Variants in ZFAT observed in about 807,000 individuals in gnomAD.
The protein encoded by ZFAT is zinc finger protein ZFAT.
A neutral mutation model predicts 117.7 loss-of-function variants in ZFAT; 64 were observed. That is an observed-to-expected ratio of 0.54 (90% CI 0.44 to 0.67). The LOEUF (loss-of-function observed/expected upper bound fraction) is 0.67, where lower values mean the gene tolerates loss of function less well. ZFAT is among the 30% of genes least tolerant of loss of function. The pLI, the probability that ZFAT is intolerant of heterozygous loss-of-function variation, is 0.00. For synonymous variants in ZFAT, 679 were observed against 615.0 expected, an observed-to-expected ratio of 1.10 and a Z score of -1.54; for missense variants, 1,433 against 1,584.5, an observed-to-expected ratio of 0.90 and a Z score of 1.62.
chr8:134,480,195 C>G (rs1016057165), intron 15 of ZFAT, among the ~76,000 whole-genome samples: 5 of 152,186 alleles, frequency 3.3e-5, no homozygotes, highest in Admixed American at 3.3e-4. Flanking sequence ...CTCCTGAGCT[C>G]AAGTGATCCA....
intron 10 of ZFAT, among the ~76,000 whole-genome samples, chr8:134,577,674 A>T (rs533069128): frequency 2.4e-4 from 37 of 152,330 alleles, no homozygotes; most frequent in African/African-American, 8.7e-4. Context: ...AAATAAATGT[A>T]GTAAGTCGAA....
chr8:134,556,089 GGAAAAA>G (rs1275821330), intron 11 of ZFAT, among the ~76,000 whole-genome samples: 1 of 128,750 alleles, frequency 7.8e-6, no homozygotes, highest in African/African-American at 2.9e-5. Flanking sequence ...AGGAAGGGAG[GGAAAAA>G]GAAAAGGAAA....
chr8:134,750,413 T>C, the ZFAT span, among the ~76,000 whole-genome samples: 1 of 152,214 alleles, frequency 6.6e-6, no homozygotes, highest in Non-Finnish European at 1.5e-5. Context: ...GATAGTTTTT[T>C]CCTTACAACT....
chr8:134,497,939 T>A (rs1818609579), intron 15 of ZFAT, among the ~76,000 whole-genome samples: 1 of 142,532 alleles, frequency 7.0e-6, no homozygotes, highest in Admixed American at 6.9e-5. Context: ...TGCTGCTGGT[T>A]ACACACAGAG....
At chr8:134,488,744 G>A (rs552937810) in intron 15 of ZFAT, among the ~76,000 whole-genome samples, 16 of 152,208 alleles carry the variant, frequency 1.1e-4, no homozygotes, top group African/African-American at 3.1e-4. Context: ...TGTCAGGGTC[G>A]GGGGAAGGTG....
chr8:134,743,691 A>C, the ZFAT span, among the ~76,000 whole-genome samples: 3 of 152,100 alleles, frequency 2.0e-5, no homozygotes, highest in Admixed American at 1.3e-4. Context: ...AGTCTCACAG[A>C]GTCTCACCTG....
intron 1 of ZFAT, among the ~76,000 whole-genome samples, chr8:134,706,852 T>C (rs566790641): frequency 6.0e-4 from 90 of 150,520 alleles, no homozygotes; most frequent in African/African-American, 2.1e-3. Context: ...TTAAGGTCTA[T>C]GCATTTCAGC....
At chr8:134,653,140 C>T (rs1195384474) in intron 2 of ZFAT, among the ~76,000 whole-genome samples, 2 of 143,146 alleles carry the variant, frequency 1.4e-5, no homozygotes, top group Non-Finnish European at 3.1e-5. Flanking sequence ...AAGAGAAGGT[C>T]GGGTTTTTGG....
intron 7 of ZFAT, chr8:134,600,104 C>G (rs1391649924): frequency 2.7e-6 from 1 of 373,438 alleles, no homozygotes; most frequent in Non-Finnish European, 5.0e-6. Context: ...TTACTGTTAT[C>G]TCTGCTATTA....
the ZFAT span, among the ~76,000 whole-genome samples, chr8:134,816,145 C>T: frequency 2.0e-5 from 3 of 152,180 alleles, no homozygotes; most frequent in Non-Finnish European, 4.4e-5. Context: ...CATTTAACTT[C>T]ATGACAATTC....
the ZFAT span, among the ~76,000 whole-genome samples, chr8:134,748,141 C>G: frequency 1.3e-5 from 2 of 152,098 alleles, no homozygotes; most frequent in African/African-American, 4.8e-5. Context: ...TAAGTGAAGA[C>G]CCAAGCAATC....
chr8:134,676,040 T>C lies in ZFAT; in HGVS notation c.20-18303A>G, dbSNP rs1586934975. Among the ~76,000 whole-genome samples the C allele has an allele frequency of 2.6e-5, 4 of 152,212 alleles. No homozygotes were observed. The East Asian group carries it at 7.7e-4, about 29-fold the overall frequency. On this transcript the variant is annotated intron_variant, in intron 1 of 15. Coordinates refer to ENST00000377838, the MANE Select transcript of ZFAT (RefSeq NM_020863.4). ...GCTATGAAGAAACTGCATCAACTAA[T>C]GGGCAAAATAACCAGCCAGCATCAT...
intron 11 of ZFAT, among the ~76,000 whole-genome samples, chr8:134,561,412 A>G (rs1203050030): frequency 6.6e-6 from 1 of 152,310 alleles, no homozygotes; most frequent in East Asian, 1.9e-4. Flanking sequence ...TGGTAAACCT[A>G]GGCACCGATT....
chr8:134,707,996 G>T (rs1399854861), intron 1 of ZFAT, among the ~76,000 whole-genome samples: 1 of 151,540 alleles, frequency 6.6e-6, no homozygotes, highest in East Asian at 1.9e-4. Flanking sequence ...ATACACAACG[G>T]AATATTATTC....
intron 10 of ZFAT, among the ~76,000 whole-genome samples, chr8:134,582,767 A>C (rs533409064): frequency 3.3e-4 from 50 of 152,224 alleles, no homozygotes; most frequent in African/African-American, 4.3e-4. Flanking sequence ...CCCAACCCCC[A>C]CACACACAAC....
chr8:134,606,590 C>T (rs531492261), intron 5 of ZFAT, among the ~76,000 whole-genome samples: 1 of 152,070 alleles, frequency 6.6e-6, no homozygotes, highest in South Asian at 2.1e-4. Context: ...GTGGTGCACA[C>T]CTGTATTCCC....
intron 1 of ZFAT, among the ~76,000 whole-genome samples, chr8:134,687,636 G>A (rs1833388825): frequency 6.6e-6 from 1 of 152,062 alleles, no homozygotes; most frequent in South Asian, 2.1e-4. Context: ...TCCCGCTGCA[G>A]ACCCTGGACA....
the ZFAT span, among the ~76,000 whole-genome samples, chr8:134,762,329 T>G: frequency 1.3e-5 from 2 of 152,226 alleles, no homozygotes; most frequent in African/African-American, 4.8e-5. Flanking sequence ...ATTGTTTGTA[T>G]CCACAGTGTC....
At chr8:134,563,527 T>C (rs1214433936) in intron 11 of ZFAT, among the ~76,000 whole-genome samples, 1 of 152,184 alleles carries the variant, frequency 6.6e-6, no homozygotes, top group Non-Finnish European at 1.5e-5. Flanking sequence ...TAAAATAAAC[T>C]TGCCAGTGGG....
Sources: allele counts gnomAD v4.1 joint callset (sites outside exome capture counted in the v4.1 genomes callset), GRCh38; gene constraint gnomAD v4.1.1; transcripts MANE v1.5; gene names NCBI Gene and HGNC (gene_info 2026-07-23, HGNC 2026-07-21).